The following C1orf185 variants were observed in gnomAD, a reference collection of about 807,000 sequenced individuals.
C1orf185 encodes the protein chromosome 1 open reading frame 185, also known as uncharacterized protein C1orf185.
A neutral mutation model predicts 16.1 loss-of-function variants in C1orf185; 13 were observed. The ratio of observed to expected loss-of-function variants is 0.81; its 90% CI spans 0.53 to 1.28. The LOEUF (loss-of-function observed/expected upper bound fraction) is 1.28, where lower values mean the gene tolerates loss of function less well. Among genes scored for constraint, C1orf185 ranks in the 50% most tolerant of loss-of-function variants. The probability of loss-of-function intolerance (pLI) is 0.00; values close to 1 mark genes in which losing one functional copy is unlikely to be tolerated. For missense variants in C1orf185, 220 were observed against 225.2 expected (o/e 0.98, Z 0.15); for synonymous variants, 80 against 76.9 (o/e 1.04, Z -0.21).
intron 3 of C1orf185, among the ~76,000 whole-genome samples, 163 bp downstream of exon 3, chr1:51,118,964 A>C (rs1372301650): frequency 6.6e-6 from 1 of 152,218 alleles, no homozygotes. Flanking sequence ...TGAAAAGCTA[A>C]ATGAAAATAT....
At chr1:51,103,627 G>A (rs1481855963) in intron 1 of C1orf185, among the ~76,000 whole-genome samples, 1 of 150,676 alleles carries the variant, frequency 6.6e-6, no homozygotes, top group Non-Finnish European at 1.5e-5. Context: ...TCTGCCTTCT[G>A]GGTTCAAGCA....
chr1:51,124,186 A>G (rs933842843), intron 3 of C1orf185, among the ~76,000 whole-genome samples: 2 of 145,106 alleles, frequency 1.4e-5, no homozygotes, highest in African/African-American at 5.2e-5. Context: ...GGTTCACGCC[A>G]TTCTCCTGCC....
At chr1:51,106,588 A>G (rs1156997251) in intron 1 of C1orf185, among the ~76,000 whole-genome samples, 1 of 152,080 alleles carries the variant, frequency 6.6e-6, no homozygotes, top group Admixed American at 6.6e-5. Flanking sequence ...GCTCAAGGCT[A>G]TAGTGAGCTA....
chr1:51,147,360 C>T (rs1646407134), intron 4 of C1orf185, 107 bp from the exon 5 acceptor site: 2 of 986,434 alleles, frequency 2.0e-6, no homozygotes, highest in Admixed American at 6.3e-5. Context: ...TGGATGATAG[C>T]AACTCAGAAT....
chr1:51,152,186 A>C (rs377412928), downstream of C1orf185, among the ~76,000 whole-genome samples: 544 of 152,302 alleles, frequency 3.6e-3, 1 homozygote, highest in Non-Finnish European at 4.4e-3. Context: ...GTTTGCCAAC[A>C]GGATCAGCAG....
rs966688981 is a variant in C1orf185, at chr1:51,147,783, A to T, written c.*12A>T. On this transcript the variant is annotated 3_prime_UTR_variant, in exon 5 of 5. Transcript: ENST00000371759. ...ATGACACTTTATGACCATCAAAAAG[A>T]TGACTACATTAAGGGAAAATGTTCA... 14 of 1,489,002 alleles carry T rather than the reference A, an allele frequency of 9.4e-6. No homozygotes were observed. Among genetic ancestry groups the T allele is most frequent in the Admixed American group, 2.4e-5 (1 of 41,272 alleles). 92.2% of individuals were successfully genotyped at this position (1,489,002 alleles called of 1,614,324 possible).
intron 3 of C1orf185, among the ~76,000 whole-genome samples, chr1:51,130,106 G>C (rs567666303): frequency 6.6e-6 from 1 of 152,142 alleles, no homozygotes; most frequent in Non-Finnish European, 1.5e-5. Context: ...GATGTTTCCA[G>C]TTTGCAGCTT....
chr1:51,118,623 T>A, intron 2 of C1orf185, 43 bp from the exon 3 acceptor site: 1 of 1,141,666 alleles, frequency 8.8e-7, no homozygotes, highest in African/African-American at 1.6e-5. Context: ...TGTTTTATAA[T>A]CTAACTCAGG....
intron 1 of C1orf185, 153 bp from the exon 2 acceptor site, chr1:51,112,311 T>C: frequency 1.8e-6 from 1 of 559,358 alleles, no homozygotes; most frequent in Non-Finnish European, 3.0e-6. Context: ...TGGAGTTTAT[T>C]AGAATTGCAT....
At chr1:51,117,603 C>A (rs1021938787) in intron 2 of C1orf185, among the ~76,000 whole-genome samples, 3 of 152,136 alleles carry the variant, frequency 2.0e-5, no homozygotes, top group African/African-American at 7.2e-5. Context: ...TAGTTGGAAT[C>A]ATATAGTATG....
chr1:51,112,036 C>G (rs1367832293), intron 1 of C1orf185, among the ~76,000 whole-genome samples: 1 of 151,986 alleles, frequency 6.6e-6, no homozygotes, highest in Non-Finnish European at 1.5e-5. Context: ...TACTTTATTA[C>G]TCTTATCTGC....
downstream of C1orf185, among the ~76,000 whole-genome samples, chr1:51,149,051 T>C (rs1030112071): frequency 1.3e-5 from 2 of 152,244 alleles, no homozygotes; most frequent in African/African-American, 4.8e-5. Context: ...CACTGGATGA[T>C]TTAGAGTTTC....
At chr1:51,146,067 T>C (rs568360700) in intron 4 of C1orf185, among the ~76,000 whole-genome samples, 2 of 152,366 alleles carry the variant, frequency 1.3e-5, no homozygotes, top group African/African-American at 4.8e-5. Context: ...TACATCTTAG[T>C]ACCTCAAAAC....
At chr1:51,148,443 G>A, downstream of C1orf185, among the ~76,000 whole-genome samples, 1 of 151,852 alleles carries the variant, frequency 6.6e-6, no homozygotes. Context: ...ATATATTTTT[G>A]AATAAAATAT....
chr1:51,135,928 C>A (rs1460527827), intron 3 of C1orf185, among the ~76,000 whole-genome samples: 2 of 152,208 alleles, frequency 1.3e-5, no homozygotes, highest in African/African-American at 4.8e-5. Flanking sequence ...AGCCCAAAAG[C>A]TCCTTAAGCT....
intron 1 of C1orf185, among the ~76,000 whole-genome samples, chr1:51,110,985 A>G (rs796398733): frequency 6.6e-6 from 1 of 152,008 alleles, no homozygotes; most frequent in South Asian, 2.1e-4. Flanking sequence ...AAACAAAAAC[A>G]AAACAAAACA....
intron 1 of C1orf185, among the ~76,000 whole-genome samples, chr1:51,109,721 G>T (rs1232941970): frequency 1.3e-5 from 2 of 151,974 alleles, no homozygotes; most frequent in Non-Finnish European, 2.9e-5. Flanking sequence ...TTTATTTCTG[G>T]GTTCTCCATC....
intron 3 of C1orf185, among the ~76,000 whole-genome samples, chr1:51,139,662 A>C (rs1406559217): frequency 6.6e-6 from 1 of 152,254 alleles, no homozygotes; most frequent in Admixed American, 6.5e-5. Flanking sequence ...TATGAAATAC[A>C]ATATAAATGG....
At chr1:51,102,593 CTCTA>C (rs1451065054) in intron 1 of C1orf185, among the ~76,000 whole-genome samples, 17 of 152,102 alleles carry the variant, frequency 1.1e-4, no homozygotes, top group Middle Eastern at 3.4e-3. Context: ...TTAACCTCTG[CTCTA>C]TCTGTGATTA....
Sources: gnomAD v4.1 joint callset for allele counts (sites outside exome capture counted in the v4.1 genomes callset) on GRCh38, gnomAD v4.1.1 for gene constraint, MANE v1.5 for transcripts, NCBI Gene and HGNC (gene_info 2026-07-23, HGNC 2026-07-21) for gene names.